Variants in MME observed in about 807,000 individuals in gnomAD.
The protein encoded by MME is neprilysin.
In MME, 98 loss-of-function variants were observed where a neutral mutation model predicts 113.2. That is an observed-to-expected ratio of 0.87 (90% CI 0.74 to 1.02). MME has a LOEUF of 1.02. Ranked by LOEUF, MME falls within the 50% of genes least tolerant of loss-of-function variation. MME has a pLI of 0.00. For synonymous variants in MME, 292 were observed against 300.6 expected (o/e 0.97, Z 0.30); for missense variants, 836 against 896.0 (o/e 0.93, Z 0.86).
intron 3 of MME, 51 bp from the exon 4 acceptor site, chr3:155,114,943 T>C: frequency 6.3e-7 from 1 of 1,591,024 alleles, no homozygotes; most frequent in Non-Finnish European, 8.6e-7. Context: ...CTTTTAAGCC[T>C]CTTAAGAAAT....
At position 155,173,225 on chromosome 3, in the gene MME, T is replaced by G. The variant is rs73875842; in HGVS notation, c.2153+613T>G. Among the ~76,000 whole-genome samples the G allele has an allele frequency of 5.8e-3, 887 of 152,098 alleles. 8 individuals are homozygous for G. The highest frequency in any genetic ancestry group is 0.021 in the African/African-American group (854 of 41,510). On this transcript the variant is annotated intron_variant, in intron 22 of 22. Transcript: ENST00000360490. ...CAACATTTGAATGTTAAATCATAGA[T>G]CCTATGTATTTGTTTAAGAACTGAA... is the stretch of plus-strand genomic sequence containing the variant.
At position 155,182,817 on chromosome 3, in the gene MME, GA is replaced by G. The variant is rs1338539383; in HGVS notation, c.*2359del. 3.3e-5 allele frequency: 5 copies of G among 152,214 alleles called. No individual in the cohort carries two copies. The highest frequency in any genetic ancestry group is 1.2e-4 in the African/African-American group (5 of 41,448). The allele number at this position is 152,214 out of a possible 1,614,324, so 9.4% of individuals were successfully genotyped here. On this transcript the variant is annotated 3_prime_UTR_variant, in exon 23 of 23. Transcript: ENST00000360490. ...TAAGATTTTCTGGGCCTAAAGGATA[GA>G]TCAAAGTCAAAAATAGCAATGCCTC...
intron 1 of MME, among the ~76,000 whole-genome samples, chr3:155,064,155 G>T (rs1014692878): frequency 9.9e-5 from 15 of 152,000 alleles, no homozygotes; most frequent in African/African-American, 3.6e-4. Flanking sequence ...CCGGGCATGG[G>T]GCAGGCACCT....
chr3:155,043,145 G>A (rs1359757562), intron 1 of MME, among the ~76,000 whole-genome samples: 1 of 149,278 alleles, frequency 6.7e-6, no homozygotes, highest in Non-Finnish European at 1.5e-5. Context: ...TGCTTAGAAG[G>A]TCCTCCCTGT....
At chr3:155,116,114 C>T (rs1718575524) in intron 4 of MME, among the ~76,000 whole-genome samples, 1 of 151,530 alleles carries the variant, frequency 6.6e-6, no homozygotes, top group African/African-American at 2.4e-5. Context: ...TTCCAAATTC[C>T]TCTGTGTTAT....
upstream of MME, among the ~76,000 whole-genome samples, chr3:155,076,214 A>G (rs1013691785): frequency 3.3e-5 from 5 of 152,248 alleles, no homozygotes; most frequent in Admixed American, 6.5e-5. Context: ...ATTCTTACAG[A>G]AAGTTTTTGT....
rs991847693 is a variant in MME at position 155,182,579 on chromosome 3, A to G, written c.*2120A>G. Reference sequence around the variant, plus strand: ...TTACCTAAGTGACATTTGTAGTTGGAGTAATAGGAGCTTCCAGCTCTAATA... The same window carrying G: ...TTACCTAAGTGACATTTGTAGTTGGGGTAATAGGAGCTTCCAGCTCTAATA... On this transcript the variant is annotated 3_prime_UTR_variant, in exon 23 of 23. Coordinates refer to ENST00000360490, the MANE Select transcript of MME (RefSeq NM_007289.4). 3 of 152,246 alleles carry G rather than the reference A, an allele frequency of 2.0e-5. No individual in the cohort carries two copies. The highest frequency in any genetic ancestry group is 2.9e-5 in the Non-Finnish European group (2 of 68,044). 9.4% of individuals were successfully genotyped at this position (152,246 alleles called of 1,614,324 possible).
At chr3:155,125,620 C>A (rs1349834321) in intron 8 of MME, among the ~76,000 whole-genome samples, 1 of 151,624 alleles carries the variant, frequency 6.6e-6, no homozygotes, top group Non-Finnish European at 1.5e-5. Flanking sequence ...GCCACCGCGC[C>A]CAGCTAATTT....
At chr3:155,090,635 T>A (rs923872651) in intron 3 of MME, 2 of 152,228 alleles carry the variant, frequency 1.3e-5, no homozygotes, top group Non-Finnish European at 2.9e-5. Flanking sequence ...GTGACTTTCA[T>A]CATGCTACTC....
chr3:155,064,164 C>T lies in MME; in HGVS notation c.-10-19994C>T, dbSNP rs148806382. Among the ~76,000 whole-genome samples the T allele has an allele frequency of 1.9e-3, 293 of 152,180 alleles. 2 individuals carry two copies. The highest frequency in any genetic ancestry group is 6.9e-3 in the African/African-American group (285 of 41,522). On this transcript the variant is annotated intron_variant, in intron 1 of 22. Coordinates refer to the MME transcript ENST00000492661. ...AATTAGCCGGGCATGGGGCAGGCAC[C>T]TGTAATCCCAGGTAGTCGGGAGGCT...
chr3:155,084,575 C>G (rs760119900), intron 2 of MME, among the ~76,000 whole-genome samples: 5 of 152,196 alleles, frequency 3.3e-5, no homozygotes, highest in Admixed American at 6.5e-5. Context: ...TATGAGGAAT[C>G]TAAAGTATGG....
intron 17 of MME, among the ~76,000 whole-genome samples, chr3:155,166,050 T>C (rs75522862): frequency 0.011 from 1,740 of 152,276 alleles, 23 homozygotes; most frequent in Non-Finnish European, 0.019. Flanking sequence ...GTAGGACACA[T>C]TAGTAAGTTA....
At chr3:155,158,146 T>C (rs185658454) in intron 16 of MME, among the ~76,000 whole-genome samples, 75 of 152,216 alleles carry the variant, frequency 4.9e-4, no homozygotes, top group East Asian at 3.5e-3. Flanking sequence ...GTAATCACAG[T>C]TTAAAAACAA....
intron 1 of MME, among the ~76,000 whole-genome samples, chr3:155,028,677 A>G (rs2108111898): frequency 6.6e-6 from 1 of 152,368 alleles, no homozygotes; most frequent in South Asian, 2.1e-4. Flanking sequence ...TCAGAAGTTT[A>G]GGATCAAACG....
intron 3 of MME, among the ~76,000 whole-genome samples, chr3:155,097,596 A>G (rs1343567629): frequency 6.6e-6 from 1 of 152,156 alleles, no homozygotes; most frequent in African/African-American, 2.4e-5. Context: ...ATCCAGAGAA[A>G]AGAATATAGG....
chr3:155,095,855 T>C (rs1404751499), intron 3 of MME, among the ~76,000 whole-genome samples: 1 of 152,118 alleles, frequency 6.6e-6, no homozygotes, highest in East Asian at 1.9e-4. Flanking sequence ...GTGATAAGAT[T>C]TGTGTGCTAC....
chr3:155,045,649 T>C (rs1713532602), intron 1 of MME, among the ~76,000 whole-genome samples: 2 of 151,994 alleles, frequency 1.3e-5, no homozygotes, highest in Non-Finnish European at 2.9e-5. Context: ...GTCTTCTTGA[T>C]CACTACCTGA....
At chr3:155,053,923 C>T (rs1192763099) in intron 1 of MME, among the ~76,000 whole-genome samples, 1 of 152,208 alleles carries the variant, frequency 6.6e-6, no homozygotes, top group Non-Finnish European at 1.5e-5. Flanking sequence ...CCAATTTTTG[C>T]ACTTGCTTCA....
At chr3:155,119,727 C>T (rs1364100652) in intron 8 of MME, among the ~76,000 whole-genome samples, 291 of 149,476 alleles carry the variant, frequency 1.9e-3, no homozygotes, top group South Asian at 4.3e-3. Context: ...ATCCATGTCC[C>T]TACAAAGGAC....
Sources: allele counts gnomAD v4.1 joint callset (sites outside exome capture counted in the v4.1 genomes callset), GRCh38; gene constraint gnomAD v4.1.1; transcripts MANE v1.5; gene names NCBI Gene and HGNC (gene_info 2026-07-23, HGNC 2026-07-21).